Variants in WWOX observed in about 807,000 individuals in gnomAD.
WWOX encodes WW domain-containing oxidoreductase.
Under a neutral mutation model 46.2 loss-of-function variants are expected in WWOX, and 69 were observed. The observed-to-expected ratio is 1.49, with a 90% CI of 1.23 to 1.82. The LOEUF (loss-of-function observed/expected upper bound fraction) is 1.82. WWOX is among the 40% of genes most tolerant of loss of function. The pLI is 0.00. For missense variants in WWOX, 919 were observed against 542.6 expected, an observed-to-expected ratio of 1.69 and a Z score of -6.89; for synonymous variants, 359 against 202.6, an observed-to-expected ratio of 1.77 and a Z score of -6.56.
At chr16:78,914,098 G>A (rs940861584) in intron 8 of WWOX, among the ~76,000 whole-genome samples, 15 of 152,014 alleles carry the variant, frequency 9.9e-5, no homozygotes, top group African/African-American at 3.4e-4. Flanking sequence ...TCTGATGTAG[G>A]GAGGATATCA....
At chr16:78,356,785 G>A (rs8063314) in intron 5 of WWOX, among the ~76,000 whole-genome samples, 111,958 of 151,562 alleles carry the variant, frequency 0.74, 42,771 homozygotes, top group African/African-American at 0.83. Context: ...GGGAGGCTGA[G>A]GCAGGAGAAT....
chr16:78,421,210 C>T lies in WWOX; in HGVS notation c.606-3660C>T, dbSNP rs141661012. ...CCTCAAAACAACAGAATTTTACTCT[C>T]TTACAGTTTCAGAGACCAAACATCT... On this transcript the variant is annotated intron_variant, in intron 6 of 8. Coordinates refer to ENST00000566780, the MANE Select transcript of WWOX (RefSeq NM_016373.4). 6.5e-3 allele frequency among the ~76,000 whole-genome samples: 989 copies of T among 152,314 alleles called. 6 individuals carry two copies. Among genetic ancestry groups the T allele is most frequent in the Middle Eastern group, 0.014 (4 of 294 alleles).
At chr16:78,321,130 T>C (rs370808582) in intron 5 of WWOX, among the ~76,000 whole-genome samples, 3 of 151,994 alleles carry the variant, frequency 2.0e-5, no homozygotes, top group African/African-American at 7.2e-5. Flanking sequence ...GTTGGGTACA[T>C]AAAATTTCTG....
intron 5 of WWOX, among the ~76,000 whole-genome samples, chr16:78,196,463 G>A (rs1186769116): frequency 1.3e-5 from 2 of 152,130 alleles, no homozygotes; most frequent in African/African-American, 2.4e-5. Flanking sequence ...AAAGAAGGCC[G>A]TTTTTAAATA....
intron 8 of WWOX, among the ~76,000 whole-genome samples, chr16:79,074,067 G>T (rs2048603441): frequency 6.6e-6 from 1 of 152,012 alleles, no homozygotes; most frequent in Admixed American, 6.6e-5. Context: ...TGCTACGAGT[G>T]TATACAGGCT....
intron 8 of WWOX, among the ~76,000 whole-genome samples, chr16:79,085,987 G>A (rs970830149): frequency 6.6e-5 from 10 of 151,980 alleles, no homozygotes; most frequent in South Asian, 2.1e-4. Flanking sequence ...CAGGAGGATC[G>A]CTTGCATCCA....
intron 5 of WWOX, among the ~76,000 whole-genome samples, chr16:78,271,568 CTCT>C (rs569776718): frequency 2.3e-4 from 35 of 152,320 alleles, no homozygotes; most frequent in Non-Finnish European, 4.3e-4. Context: ...AAGTAAGCAT[CTCT>C]TCTTCTTGTT....
chr16:78,256,737 A>G (rs748392506), intron 5 of WWOX, among the ~76,000 whole-genome samples: 1 of 152,166 alleles, frequency 6.6e-6, no homozygotes, highest in Non-Finnish European at 1.5e-5. Flanking sequence ...CAGAAACATG[A>G]ACAGAGAGTA....
chr16:78,743,086 G>A (rs550182716), intron 8 of WWOX, among the ~76,000 whole-genome samples: 35 of 152,144 alleles, frequency 2.3e-4, no homozygotes, highest in African/African-American at 7.9e-4. Flanking sequence ...ATCAGCCCCC[G>A]AAGGAAACAT....
At chr16:79,208,481 A>G (rs1301337144) in intron 8 of WWOX, among the ~76,000 whole-genome samples, 1 of 152,224 alleles carries the variant, frequency 6.6e-6, no homozygotes, top group Non-Finnish European at 1.5e-5. Flanking sequence ...ATTGATGACA[A>G]CTGGCAAGGT....
chr16:78,144,523 A>ATATATATATATT (rs1198739687), intron 4 of WWOX, among the ~76,000 whole-genome samples: 1 of 18,632 alleles, frequency 5.4e-5, no homozygotes, highest in African/African-American at 2.7e-4. Flanking sequence ...ATATATATAT[A>ATATATATATATT]TTTTTTTTTT....
intron 8 of WWOX, among the ~76,000 whole-genome samples, chr16:78,622,910 T>C (rs1364223170): frequency 1.3e-5 from 2 of 152,130 alleles, no homozygotes; most frequent in Non-Finnish European, 2.9e-5. Context: ...TCTCTCTCCA[T>C]TGCTGGCTTT....
intron 6 of WWOX, among the ~76,000 whole-genome samples, chr16:78,393,539 C>T (rs570066941): frequency 6.6e-6 from 1 of 152,038 alleles, no homozygotes; most frequent in African/African-American, 2.4e-5. Context: ...CCTTAAGTCC[C>T]TGATAAAATA....
At chr16:79,090,717 G>C (rs373210242) in intron 8 of WWOX, among the ~76,000 whole-genome samples, 1 of 152,186 alleles carries the variant, frequency 6.6e-6, no homozygotes, top group African/African-American at 2.4e-5. Flanking sequence ...GCACATGCTC[G>C]GCGGGGCCCA....
chr16:78,578,105 G>C (rs1209017759), intron 8 of WWOX, among the ~76,000 whole-genome samples: 1 of 151,304 alleles, frequency 6.6e-6, no homozygotes, highest in Admixed American at 6.6e-5. Context: ...TAGATACTGT[G>C]TCATCTTAAT....
At chr16:78,953,632 G>A (rs537010088) in intron 8 of WWOX, among the ~76,000 whole-genome samples, 39 of 152,220 alleles carry the variant, frequency 2.6e-4, no homozygotes, top group East Asian at 1.2e-3. Context: ...AGTGGGTACC[G>A]TACTTCAAAA....
Position 78,557,689 on chromosome 16 carries a change from A to ATTTTTTTTTTTTTT in WWOX, c.1056+124947_1056+124960dup, listed in dbSNP as rs34068363. On this transcript the variant is annotated intron_variant, in intron 8 of 8. Coordinates refer to ENST00000566780, the MANE Select transcript of WWOX (RefSeq NM_016373.4). ...CATAAGTGCATTCCTCTAGGGAAGG[A>ATTTTTTTTTTTTTT]TTTTTTTTTTTTTTTTTTTTTTTGA... Among the ~76,000 whole-genome samples the ATTTTTTTTTTTTTT allele has an allele frequency of 6.7e-3, 648 of 96,604 alleles. 106 individuals are homozygous for ATTTTTTTTTTTTTT. The highest frequency in any genetic ancestry group is 0.027 in the African/African-American group (523 of 19,184). 63.4% of individuals were successfully genotyped at this position (96,604 alleles called of 152,430 possible).
chr16:79,155,365 A>T (rs1198464663), intron 8 of WWOX, among the ~76,000 whole-genome samples: 1 of 151,932 alleles, frequency 6.6e-6, no homozygotes, highest in Non-Finnish European at 1.5e-5. Flanking sequence ...ACAGAGGGAG[A>T]CTCTGTTTCA....
chr16:79,094,779 C>G (rs2049035699), intron 8 of WWOX, among the ~76,000 whole-genome samples: 1 of 151,950 alleles, frequency 6.6e-6, no homozygotes, highest in Non-Finnish European at 1.5e-5. Flanking sequence ...TTTAAAGAGA[C>G]AAGAGGGAGG....
Sources: gnomAD v4.1 joint callset for allele counts (sites outside exome capture counted in the v4.1 genomes callset) on GRCh38, gnomAD v4.1.1 for gene constraint, MANE v1.5 for transcripts, NCBI Gene and HGNC (gene_info 2026-07-23, HGNC 2026-07-21) for gene names.